The following TENM2 variants were observed in gnomAD, a reference collection of about 807,000 sequenced individuals.
The protein encoded by TENM2 is teneurin transmembrane protein 2, also known as teneurin-2.
A neutral mutation model predicts 245.2 loss-of-function variants in TENM2; 52 were observed. That is an observed-to-expected ratio of 0.21 (90% CI 0.17 to 0.27). The LOEUF is 0.27. TENM2 is among the 10% of genes least tolerant of loss of function. The probability of loss-of-function intolerance (pLI) is 1.00; values close to 1 mark genes in which losing one functional copy is unlikely to be tolerated. For synonymous variants in TENM2, 1,363 were observed against 1,438.9 expected, an observed-to-expected ratio of 0.95 and a Z score of 1.19; for missense variants, 3,046 against 3,666.8, an observed-to-expected ratio of 0.83 and a Z score of 4.37.
exon 29 of TENM2, chr5:168,262,954 G>T (rs538879891): frequency 8.3e-6 from 6 of 722,176 alleles, no homozygotes; most frequent in South Asian, 4.1e-5. Context: ...CACATTTTTT[G>T]AGTTCAAATG....
chr5:167,123,171 G>A, the TENM2 span, among the ~76,000 whole-genome samples: 336 of 151,674 alleles, frequency 2.2e-3, 3 homozygotes, highest in African/African-American at 7.3e-3. Flanking sequence ...TTAGCCAGGC[G>A]TGGTGCCAGG....
At chr5:168,057,329 A>T (rs925628700) in intron 6 of TENM2, among the ~76,000 whole-genome samples, 3 of 151,474 alleles carry the variant, frequency 2.0e-5, no homozygotes, top group Non-Finnish European at 4.4e-5. Context: ...ACACACACAC[A>T]CACTCACTCA....
the TENM2 span, among the ~76,000 whole-genome samples, chr5:167,003,210 C>T: frequency 1.3e-5 from 2 of 152,120 alleles, no homozygotes; most frequent in Admixed American, 1.3e-4. Flanking sequence ...ATTAAACAGA[C>T]ATGATAAAAT....
intron 2 of TENM2, among the ~76,000 whole-genome samples, chr5:167,552,973 C>T (rs1159595651): frequency 6.6e-6 from 1 of 151,886 alleles, no homozygotes; most frequent in Non-Finnish European, 1.5e-5. Flanking sequence ...GTTCTTGTCC[C>T]CAGAACAGAA....
the TENM2 span, among the ~76,000 whole-genome samples, chr5:166,989,252 CTTTTTT>C: frequency 1.8e-5 from 1 of 56,960 alleles, no homozygotes; most frequent in East Asian, 6.1e-4. Context: ...CCAAGCTAAT[CTTTTTT>C]TTTTTTTTTT....
At chr5:167,371,722 G>A (rs1760453635) in intron 1 of TENM2, among the ~76,000 whole-genome samples, 1 of 151,984 alleles carries the variant, frequency 6.6e-6, no homozygotes, top group African/African-American at 2.4e-5. Context: ...GTGATTCTTT[G>A]ATTAATGCCT....
intron 2 of TENM2, among the ~76,000 whole-genome samples, chr5:167,866,021 G>A (rs1462635654): frequency 6.6e-6 from 1 of 152,150 alleles, no homozygotes; most frequent in African/African-American, 2.4e-5. Flanking sequence ...TGTATAACCT[G>A]TACCCAAAGT....
intron 12 of TENM2, among the ~76,000 whole-genome samples, chr5:168,159,297 A>G (rs994806239): frequency 6.6e-6 from 1 of 152,196 alleles, no homozygotes; most frequent in Non-Finnish European, 1.5e-5. Flanking sequence ...CTCTAGCTCC[A>G]TAAAAGAGGA....
chr5:167,455,455 GT>G (rs10666572), intron 2 of TENM2, among the ~76,000 whole-genome samples: 4 of 141,844 alleles, frequency 2.8e-5, no homozygotes, highest in African/African-American at 7.9e-5. Flanking sequence ...TGTATGTGTA[GT>G]TTTTTTTTTT....
intron 19 of TENM2, among the ~76,000 whole-genome samples, chr5:168,207,078 C>A (rs1483814760): frequency 6.6e-6 from 1 of 152,180 alleles, no homozygotes; most frequent in Non-Finnish European, 1.5e-5. Context: ...TGTCACCCAC[C>A]TCTGAGTCAC....
chr5:168,104,029 T>A (rs1390581815), intron 9 of TENM2, among the ~76,000 whole-genome samples: 2 of 152,004 alleles, frequency 1.3e-5, no homozygotes, highest in East Asian at 3.9e-4. Context: ...TGTTTGTTTG[T>A]TTGTTTGTTT....
intron 5 of TENM2, among the ~76,000 whole-genome samples, chr5:168,046,672 C>T (rs1788635544): frequency 6.6e-6 from 1 of 152,122 alleles, no homozygotes; most frequent in Non-Finnish European, 1.5e-5. Context: ...TAGCAAAGAA[C>T]AGGCAGTATT....
Position 168,247,998 on chromosome 5 carries a change from C to T in TENM2, c.7059C>T (p.His2353=). The change falls in exon 27 of 29, where the codon CAC becomes CAT. Residue 2353 remains histidine, a synonymous_variant. Transcript: ENST00000518659. The surrounding 1 kb of genome is among the most constrained non-coding windows in gnomAD (Gnocchi z 7.8). ...CACTGTACTACGACCTCCAGGGCCA[C>T]CTCTTTGCCATGGAGAGCAGCAGTG... 6.2e-7 allele frequency: 1 copy of T among 1,613,980 alleles called. No homozygotes were observed.
At chr5:167,138,905 G>C in the TENM2 span, among the ~76,000 whole-genome samples, 1 of 152,334 alleles carries the variant, frequency 6.6e-6, no homozygotes, top group East Asian at 1.9e-4. Context: ...TTACAGGCAT[G>C]AGTCACAGCG....
intron 2 of TENM2, among the ~76,000 whole-genome samples, chr5:167,562,829 C>T (rs773441922): frequency 2.0e-5 from 3 of 151,824 alleles, no homozygotes; most frequent in Admixed American, 6.6e-5. Flanking sequence ...TGTTGGCAGG[C>T]GCCTGTAGTC....
chr5:167,011,299 A>G, the TENM2 span, among the ~76,000 whole-genome samples: 12,832 of 152,222 alleles, frequency 0.084, 1,762 homozygotes, highest in African/African-American at 0.29. Context: ...TACCTTTGTA[A>G]TTCTTTGTAC....
intron 2 of TENM2, among the ~76,000 whole-genome samples, chr5:167,570,778 A>AAAT (rs2127659535): frequency 6.6e-6 from 1 of 152,316 alleles, no homozygotes; most frequent in African/African-American, 2.4e-5. Flanking sequence ...GAAATGTCAG[A>AAAT]GGTCTGAAAA....
rs896052631 is a variant in TENM2, at chr5:167,900,137, G to A, written c.712+23942G>A. On this transcript the variant is annotated intron_variant, in intron 3 of 28. Transcript: ENST00000518659. The stretch of plus-strand genomic sequence containing the variant: ...AAAAAAAAAAAAAAAAAAAAAAGGG[G>A]GGGGGGGTTTTGGAAAGGAAAGGAA... Among the ~76,000 whole-genome samples the A allele has an allele frequency of 5.0e-3, 563 of 112,760 alleles. 5 individuals are homozygous for A. Among genetic ancestry groups the A allele is most frequent in the African/African-American group, 0.023 (512 of 22,154 alleles). The allele number at this position is 112,760 out of a possible 152,430, so 74.0% of individuals were successfully genotyped here. A position where few individuals can be genotyped will look rare whatever the true frequency, so the allele number is the denominator to read the frequency against.
intron 2 of TENM2, among the ~76,000 whole-genome samples, chr5:167,444,335 C>T (rs888521467): frequency 6.0e-5 from 9 of 150,050 alleles, no homozygotes; most frequent in Admixed American, 2.7e-4. Context: ...CTTAATTCTG[C>T]CATGACAAAA....
Sources: gnomAD v4.1 joint callset for allele counts (sites outside exome capture counted in the v4.1 genomes callset) on GRCh38, gnomAD v4.1.1 for gene constraint, Gnocchi (gnomAD v3.1) non-coding constraint, MANE v1.5 for transcripts, NCBI Gene and HGNC (gene_info 2026-07-23, HGNC 2026-07-21) for gene names.